CPEB3: variants seen among roughly 807,000 people sequenced by gnomAD.
CPEB3 encodes cytoplasmic polyadenylation element binding protein 3.
A neutral mutation model predicts 67.2 loss-of-function variants in CPEB3; 20 were observed. The ratio of observed to expected loss-of-function variants is 0.30; its 90% confidence interval spans 0.21 to 0.43. The LOEUF (loss-of-function observed/expected upper bound fraction) is 0.43. CPEB3 is among the 20% of genes least tolerant of loss of function. The pLI is 1.00. For missense variants in CPEB3, 746 were observed against 968.6 expected, an observed-to-expected ratio of 0.77 and a Z score of 3.05; for synonymous variants, 376 against 393.1, an observed-to-expected ratio of 0.96 and a Z score of 0.51.
intron 2 of CPEB3, among the ~76,000 whole-genome samples, chr10:92,206,574 C>T (rs990481060): frequency 6.6e-6 from 1 of 152,124 alleles, no homozygotes; most frequent in African/African-American, 2.4e-5. Flanking sequence ...GCCAACACAC[C>T]TGGCTATTTT....
intron 1 of CPEB3, among the ~76,000 whole-genome samples, chr10:92,263,687 A>G (rs533548068): frequency 6.6e-6 from 1 of 152,108 alleles, no homozygotes; most frequent in African/African-American, 2.4e-5. Context: ...ACAGGATGTC[A>G]ATTTTTAAAA....
intron 9 of CPEB3, among the ~76,000 whole-genome samples, chr10:92,076,086 G>A (rs1216048351): frequency 6.6e-6 from 1 of 152,124 alleles, no homozygotes; most frequent in Non-Finnish European, 1.5e-5. Context: ...TCTCCTTAAG[G>A]GATAAGGGCT....
intron 9 of CPEB3, among the ~76,000 whole-genome samples, chr10:92,060,947 C>T (rs571164603): frequency 2.6e-5 from 4 of 152,296 alleles, no homozygotes; most frequent in Non-Finnish European, 5.9e-5. Flanking sequence ...CCACGGAGAA[C>T]AGTTTGGAGT....
At chr10:92,087,565 T>C (rs1312133408) in intron 8 of CPEB3, among the ~76,000 whole-genome samples, 1 of 152,124 alleles carries the variant, frequency 6.6e-6, no homozygotes, top group Non-Finnish European at 1.5e-5. Context: ...ATCCAAAAGC[T>C]TGGTCACTGG....
intron 9 of CPEB3, among the ~76,000 whole-genome samples, chr10:92,072,199 A>G (rs1842777396): frequency 6.6e-6 from 1 of 152,248 alleles, no homozygotes; most frequent in African/African-American, 2.4e-5. Flanking sequence ...GTCTACATCT[A>G]TAAAAGGAAC....
chr10:92,109,541 T>TG (rs1429408561), intron 7 of CPEB3, among the ~76,000 whole-genome samples: 2 of 152,132 alleles, frequency 1.3e-5, no homozygotes, highest in Non-Finnish European at 2.9e-5. Flanking sequence ...CGTGAGCTAC[T>TG]GTACCTGGCC....
At position 92,239,811 on chromosome 10, in the gene CPEB3, C is replaced by T; in HGVS notation, c.540G>A (p.Gln180=). The T allele has an allele frequency of 7.0e-7, 1 of 1,430,338 alleles. No individual in the cohort carries two copies. The highest frequency in any genetic ancestry group is 2.8e-5 in the East Asian group (1 of 35,614). 88.6% of individuals were successfully genotyped at this position (1,430,338 alleles called of 1,614,324 possible). ...APAPQPAQPA[Q]PPQAQPPQQR... is the part of the protein sequence containing the mutation. The stretch of plus-strand genomic sequence containing the variant: ...GCTGCGGGGGCTGCGCCTGTGGTGG[C>T]TGCGCTGGCTGTGCCGGCTGCGGCG... The change falls in exon 2 of 10, where the codon CAG becomes CAA. Residue 180 remains glutamine (Q), a synonymous_variant. Coordinates refer to ENST00000265997, the MANE Select transcript of CPEB3 (RefSeq NM_014912.5). This position sits in a 1 kb window ranked among gnomAD's most constrained non-coding sequence, Gnocchi z 6.0.
At chr10:92,053,807 C>A (rs1221338391) in intron 9 of CPEB3, among the ~76,000 whole-genome samples, 2 of 152,170 alleles carry the variant, frequency 1.3e-5, no homozygotes, top group Non-Finnish European at 2.9e-5. Flanking sequence ...TCCCAAAGTG[C>A]TGGGATTACA....
At chr10:92,070,911 A>G (rs1008461376) in intron 9 of CPEB3, among the ~76,000 whole-genome samples, 1 of 151,966 alleles carries the variant, frequency 6.6e-6, no homozygotes, top group Admixed American at 6.6e-5. Context: ...TGCCTGAAAT[A>G]TTTAACTCCC....
intron 7 of CPEB3, among the ~76,000 whole-genome samples, chr10:92,106,814 C>CAAAAAAAAAAAAAAAA (rs531195477): frequency 4.5e-4 from 25 of 55,962 alleles, no homozygotes; most frequent in African/African-American, 9.5e-4. Flanking sequence ...GACTCTGTCT[C>CAAAAAAAAAAAAAAAA]AAAAAAAAAA....
chr10:92,245,432 G>A (rs1852019189), intron 1 of CPEB3, among the ~76,000 whole-genome samples: 1 of 152,024 alleles, frequency 6.6e-6, no homozygotes, highest in Admixed American at 6.6e-5. Flanking sequence ...CACCGTGCCT[G>A]GCCAAGAATC....
chr10:92,119,976 C>A (rs1165703849), intron 6 of CPEB3, among the ~76,000 whole-genome samples: 2 of 151,084 alleles, frequency 1.3e-5, no homozygotes, highest in Non-Finnish European at 3.0e-5. Flanking sequence ...CAAATTGCGC[C>A]AGGCGCGGTG....
chr10:92,054,445 C>T (rs771248310), intron 9 of CPEB3, among the ~76,000 whole-genome samples: 8 of 150,232 alleles, frequency 5.3e-5, no homozygotes, highest in African/African-American at 7.4e-5. Context: ...TTTTTTGAGA[C>T]GGCGTCTCAC....
At chr10:92,206,964 T>C (rs1323288874) in intron 2 of CPEB3, among the ~76,000 whole-genome samples, 1 of 152,038 alleles carries the variant, frequency 6.6e-6, no homozygotes, top group Non-Finnish European at 1.5e-5. Flanking sequence ...TAAGAAACAA[T>C]ATGAGAAGGT....
At chr10:92,248,211 C>T (rs1458972618) in intron 1 of CPEB3, among the ~76,000 whole-genome samples, 2 of 152,132 alleles carry the variant, frequency 1.3e-5, no homozygotes, top group Non-Finnish European at 2.9e-5. Context: ...TAAATCATCT[C>T]TAGGTTACTT....
intron 8 of CPEB3, among the ~76,000 whole-genome samples, chr10:92,086,222 A>G (rs912150075): frequency 5.3e-5 from 8 of 152,220 alleles, no homozygotes; most frequent in African/African-American, 1.9e-4. Context: ...GGGCACCTTA[A>G]GATATCAAAG....
At chr10:92,093,140 C>T (rs1302426669) in intron 7 of CPEB3, among the ~76,000 whole-genome samples, 2 of 152,102 alleles carry the variant, frequency 1.3e-5, no homozygotes, top group African/African-American at 2.4e-5. Flanking sequence ...AAATTTTGCA[C>T]GGTCTCAAAA....
chr10:92,053,128 A>G (rs988993516), intron 9 of CPEB3, among the ~76,000 whole-genome samples: 2 of 152,154 alleles, frequency 1.3e-5, no homozygotes, highest in African/African-American at 4.8e-5. Context: ...AAGCTACTAT[A>G]ATAATTGGGG....
intron 9 of CPEB3, among the ~76,000 whole-genome samples, chr10:92,057,030 C>A (rs1842137145): frequency 6.6e-6 from 1 of 152,230 alleles, no homozygotes; most frequent in Non-Finnish European, 1.5e-5. Context: ...GCATTCATTA[C>A]CTGCTAGCTG....
Sources: allele counts gnomAD v4.1 joint callset (sites outside exome capture counted in the v4.1 genomes callset), GRCh38; gene constraint gnomAD v4.1.1; non-coding constraint Gnocchi (gnomAD v3.1); transcripts MANE v1.5; gene names NCBI Gene and HGNC (gene_info 2026-07-23, HGNC 2026-07-21).